CAMK2D: variants seen among roughly 807,000 people sequenced by gnomAD.
The protein encoded by CAMK2D is calcium/calmodulin dependent protein kinase II delta, also known as calcium/calmodulin-dependent protein kinase type II subunit delta.
Under a neutral mutation model 84.0 loss-of-function variants are expected in CAMK2D, and 37 were observed. That is an observed-to-expected ratio of 0.44 (90% CI 0.34 to 0.58). The LOEUF (loss-of-function observed/expected upper bound fraction) is 0.58. Ranked by LOEUF, CAMK2D falls within the 20% of genes least tolerant of loss-of-function variation. CAMK2D has a pLI of 0.02. For synonymous variants in CAMK2D, 202 were observed against 212.5 expected (o/e 0.95, Z 0.43); for missense variants, 448 against 652.5 (o/e 0.69, Z 3.41).
chr4:113,697,161 CA>C (rs2099405366), intron 2 of CAMK2D, among the ~76,000 whole-genome samples: 2 of 151,928 alleles, frequency 1.3e-5, no homozygotes, highest in Non-Finnish European at 2.9e-5. Flanking sequence ...GAAGGGAAGG[CA>C]AAATCTACAT....
chr4:113,690,390 G>A (rs979740099), intron 2 of CAMK2D, among the ~76,000 whole-genome samples: 3 of 152,008 alleles, frequency 2.0e-5, no homozygotes, highest in African/African-American at 7.2e-5. Context: ...GAGGTCCCAG[G>A]ATGTTTAAGG....
chr4:113,595,046 G>A (rs865921760), intron 4 of CAMK2D, among the ~76,000 whole-genome samples: 2 of 151,434 alleles, frequency 1.3e-5, no homozygotes, highest in African/African-American at 4.8e-5. Context: ...GAAAAACAAA[G>A]AAAAAGAAAA....
intron 2 of CAMK2D, among the ~76,000 whole-genome samples, chr4:113,711,045 C>T (rs1593386825): frequency 6.6e-6 from 1 of 151,698 alleles, no homozygotes; most frequent in South Asian, 2.1e-4. Flanking sequence ...TAATACCTGA[C>T]ATACGTTAAA....
At chr4:113,513,490 ATTGT>A in intron 11 of CAMK2D, 120 bp from the exon 12 acceptor site, 3 of 763,928 alleles carry the variant, frequency 3.9e-6, no homozygotes, top group Non-Finnish European at 6.8e-6. Context: ...GGGATTTTTT[ATTGT>A]TTGTTTTTGT....
chr4:113,571,926 A>ATTCAATT (rs1326922881), intron 4 of CAMK2D, among the ~76,000 whole-genome samples: 1 of 152,224 alleles, frequency 6.6e-6, no homozygotes, highest in African/African-American at 2.4e-5. Context: ...GAGACAATAA[A>ATTCAATT]TTCAATTAAC....
chr4:113,753,978 T>G lies in CAMK2D; in HGVS notation c.160+5342A>C, dbSNP rs924566234. The G allele has an allele frequency of 8.2e-6, 8 of 975,320 alleles. No homozygotes were observed. In the South Asian group the frequency reaches 2.4e-4, roughly 29 times the overall value. The allele number at this position is 975,320 out of a possible 1,614,324, so 60.4% of individuals were successfully genotyped here. A position where few individuals can be genotyped will look rare whatever the true frequency, so the allele number is the denominator to read the frequency against. ...CATTCATGTCTTCTATTATGTTTATTTAGGTAGATAGCCTTTATTTTTCCT... is the reference window on the plus strand; with the variant it reads ...CATTCATGTCTTCTATTATGTTTATGTAGGTAGATAGCCTTTATTTTTCCT... On this transcript the variant is annotated intron_variant, in intron 2 of 20. Transcript: ENST00000511664.
chr4:113,485,909 T>C (rs1280298284), intron 16 of CAMK2D, among the ~76,000 whole-genome samples: 1 of 152,218 alleles, frequency 6.6e-6, no homozygotes, highest in Non-Finnish European at 1.5e-5. Context: ...CTGTGCCTTC[T>C]ATTGGTAATG....
At chr4:113,598,985 T>TA (rs796687192) in intron 4 of CAMK2D, among the ~76,000 whole-genome samples, 3 of 151,896 alleles carry the variant, frequency 2.0e-5, no homozygotes, top group African/African-American at 7.3e-5. Flanking sequence ...AACAATCTAA[T>TA]AAAAAAATGG....
At chr4:113,469,337 T>C (rs1007360825) in intron 16 of CAMK2D, among the ~76,000 whole-genome samples, 10 of 152,234 alleles carry the variant, frequency 6.6e-5, no homozygotes, top group African/African-American at 2.4e-4. Context: ...TGGAGTTTGC[T>C]GATCACTCCT....
At chr4:113,592,179 A>G (rs1357263752) in intron 4 of CAMK2D, among the ~76,000 whole-genome samples, 1 of 152,188 alleles carries the variant, frequency 6.6e-6, no homozygotes, top group East Asian at 1.9e-4. Flanking sequence ...TGTCTCAAGT[A>G]GAAGTGAAAA....
chr4:113,686,062 CAAA>C (rs111982570), intron 2 of CAMK2D, among the ~76,000 whole-genome samples: 2 of 116,012 alleles, frequency 1.7e-5, no homozygotes. Flanking sequence ...GATTCTGTCT[CAAA>C]AAAAAAAAAA....
At chr4:113,598,610 G>A (rs1320287273) in intron 4 of CAMK2D, among the ~76,000 whole-genome samples, 1 of 152,194 alleles carries the variant, frequency 6.6e-6, no homozygotes, top group African/African-American at 2.4e-5. Context: ...GCTGCAGACT[G>A]AAAGAAAATA....
intron 2 of CAMK2D, among the ~76,000 whole-genome samples, chr4:113,756,757 C>T (rs1562254591): frequency 6.6e-6 from 1 of 151,978 alleles, no homozygotes; most frequent in Non-Finnish European, 1.5e-5. Context: ...GTACTGAGCC[C>T]CTTCTATGCT....
chr4:113,750,312 T>C (rs2099614279), intron 2 of CAMK2D, among the ~76,000 whole-genome samples: 1 of 152,168 alleles, frequency 6.6e-6, no homozygotes. Flanking sequence ...ACTCACTCCA[T>C]CAGGAAGATG....
intron 3 of CAMK2D, among the ~76,000 whole-genome samples, chr4:113,622,821 G>A (rs752558106): frequency 1.3e-5 from 2 of 152,160 alleles, no homozygotes; most frequent in Admixed American, 6.5e-5. Context: ...AAGAACACAT[G>A]TCCATTGAAT....
At chr4:113,570,211 C>A (rs2098745910) in intron 4 of CAMK2D, among the ~76,000 whole-genome samples, 1 of 152,086 alleles carries the variant, frequency 6.6e-6, no homozygotes, top group Admixed American at 6.5e-5. Context: ...TGAAAGTGAT[C>A]TACTGATTCT....
chr4:113,656,984 C>T (rs74901943), intron 3 of CAMK2D, among the ~76,000 whole-genome samples: 1 of 152,098 alleles, frequency 6.6e-6, no homozygotes, highest in Admixed American at 6.6e-5. Flanking sequence ...TCATCCTCTA[C>T]CCTTAATGTC....
chr4:113,525,826 T>C (rs569496004), intron 8 of CAMK2D, among the ~76,000 whole-genome samples: 1 of 152,300 alleles, frequency 6.6e-6, no homozygotes, highest in Non-Finnish European at 1.5e-5. Context: ...CTCAACCCAG[T>C]GTCTACTCTT....
intron 2 of CAMK2D, among the ~76,000 whole-genome samples, chr4:113,718,918 T>C (rs1305564873): frequency 6.6e-6 from 1 of 152,130 alleles, no homozygotes; most frequent in African/African-American, 2.4e-5. Context: ...ACAAATTTTT[T>C]TGAGAAAGAA....
Sources: gnomAD v4.1 joint callset for allele counts (sites outside exome capture counted in the v4.1 genomes callset) on GRCh38, gnomAD v4.1.1 for gene constraint, MANE v1.5 for transcripts, NCBI Gene and HGNC (gene_info 2026-07-23, HGNC 2026-07-21) for gene names.